CTH: variants seen among roughly 807,000 people sequenced by gnomAD.
CTH encodes the protein cystathionase (cystathionine gamma-lyase).
CTH carries 41 observed loss-of-function variants against 50.6 expected under a neutral mutation model. That is an observed-to-expected ratio of 0.81 (90% CI 0.63 to 1.05). The LOEUF is 1.05. Ranked by LOEUF, CTH falls within the 50% of genes least tolerant of loss-of-function variation. CTH has a pLI of 0.00. For synonymous variants in CTH, 156 were observed against 168.9 expected (o/e 0.92, Z 0.59); for missense variants, 470 against 492.6 (o/e 0.95, Z 0.43).
intron 4 of CTH, among the ~76,000 whole-genome samples, chr1:70,423,993 A>G (rs1344801677): frequency 6.6e-6 from 1 of 152,230 alleles, no homozygotes; most frequent in Non-Finnish European, 1.5e-5. Flanking sequence ...GAAAAGTACA[A>G]TAATTAACTT....
chr1:70,411,658 T>A, intron 1 of CTH, 75 bp downstream of exon 1: 1 of 1,556,202 alleles, frequency 6.4e-7, no homozygotes, highest in Non-Finnish European at 8.7e-7. Context: ...GAAAGGCATG[T>A]AAGTAATTTA....
intron 1 of CTH, among the ~76,000 whole-genome samples, chr1:70,413,360 T>G (rs1684015193): frequency 6.6e-6 from 1 of 151,284 alleles, no homozygotes; most frequent in Non-Finnish European, 1.5e-5. Context: ...GCCTCCCGGG[T>G]TCAAGCGATT....
Position 70,439,181 on chromosome 1 carries a change from G to GTAAT in CTH, c.*58_*61dup. ...TCCTGTGAAGATCAAATCTTCCTGAGTAATTAAATGGACCAACAATGAGCC... is the reference window on the plus strand; with the variant it reads ...TCCTGTGAAGATCAAATCTTCCTGAGTAATTAATTAAATGGACCAACAATGAGCC... On this transcript the variant is annotated 3_prime_UTR_variant, in exon 12 of 12. Transcript: ENST00000370938. 6.5e-7 allele frequency: 1 copy of GTAAT among 1,538,544 alleles called. No individual in the cohort carries two copies. Among genetic ancestry groups the GTAAT allele is most frequent in the Non-Finnish European group, 9.0e-7 (1 of 1,110,940 alleles).
intron 5 of CTH, among the ~76,000 whole-genome samples, chr1:70,425,808 A>T (rs1684334598): frequency 6.6e-6 from 1 of 151,980 alleles, no homozygotes; most frequent in Non-Finnish European, 1.5e-5. Flanking sequence ...AGGGGAGATG[A>T]CTCTAAACCA....
At chr1:70,420,417 C>A (rs1353894435) in intron 3 of CTH, among the ~76,000 whole-genome samples, 1 of 152,050 alleles carries the variant, frequency 6.6e-6, no homozygotes, top group Non-Finnish European at 1.5e-5. Flanking sequence ...AATCTAGATC[C>A]CTCGAAAGTT....
At chr1:70,412,159 T>C (rs1683980044) in intron 1 of CTH, among the ~76,000 whole-genome samples, 1 of 152,234 alleles carries the variant, frequency 6.6e-6, no homozygotes, top group Non-Finnish European at 1.5e-5. Flanking sequence ...AGCCTTAGAC[T>C]AGTAAGTATT....
chr1:70,429,493 C>A (rs1473713542), intron 5 of CTH, among the ~76,000 whole-genome samples: 1 of 152,112 alleles, frequency 6.6e-6, no homozygotes, highest in African/African-American at 2.4e-5. Context: ...ATTTAGAGTC[C>A]TGTCAGCAAT....
At chr1:70,424,714 G>A (rs912200195) in intron 5 of CTH, among the ~76,000 whole-genome samples, 22 of 152,242 alleles carry the variant, frequency 1.4e-4, no homozygotes, top group Middle Eastern at 3.4e-3. Flanking sequence ...AGGCCGAGGC[G>A]GGCGGATCAG....
intron 10 of CTH, 27 bp from the exon 11 acceptor site, chr1:70,438,661 C>G: frequency 6.2e-7 from 1 of 1,613,574 alleles, no homozygotes; most frequent in Non-Finnish European, 8.5e-7. Context: ...ATATAGTGAT[C>G]AAAAATTTGC....
In CTH at chr1:70,433,934, C is replaced by A; in HGVS notation, c.984C>A (p.Phe328Leu). 6.2e-7 allele frequency: 1 copy of A among 1,613,958 alleles called. No individual in the cohort carries two copies. Among genetic ancestry groups the A allele is most frequent in the Non-Finnish European group, 8.5e-7 (1 of 1,179,922 alleles). ...GCACTCTTCAGCATGCTGAGATTTT[C>A]CTCAAGAACCTAAAGGTAAACTTAC... ...IKGTLQHAEI[F>L]LKNLKLFTLA... Residue 328 changes from phenylalanine (F) to leucine (L), a missense_variant, in exon 9 of 12, where the codon TTC (phenylalanine) becomes TTA (leucine). By Grantham distance (22) the Phe-to-Leu change is conservative (BLOSUM62 0). Coordinates refer to ENST00000370938, the MANE Select transcript of CTH (RefSeq NM_001902.6).
At chr1:70,421,728 C>A (rs1684226887) in intron 4 of CTH, 53 bp downstream of exon 4, 4 of 1,555,432 alleles carry the variant, frequency 2.6e-6, no homozygotes, top group South Asian at 1.1e-5. Flanking sequence ...GTTTTGTTTT[C>A]ATCATTTCTG....
chr1:70,437,964 C>A (rs1002509226), intron 10 of CTH, among the ~76,000 whole-genome samples: 1 of 152,144 alleles, frequency 6.6e-6, no homozygotes, highest in Admixed American at 6.5e-5. Context: ...TTTATATAGA[C>A]TATTTTGTTT....
At position 70,411,368 on chromosome 1, in the gene CTH, G is replaced by A. The variant is rs760834031; in HGVS notation, c.-48G>A. 2.1e-5 allele frequency: 34 copies of A among 1,608,996 alleles called. No individual in the cohort carries two copies. Among genetic ancestry groups the A allele is most frequent in the Non-Finnish European group, 2.8e-5 (33 of 1,175,530 alleles). On this transcript the variant is annotated 5_prime_UTR_variant, in exon 1 of 12. Transcript: ENST00000370938. ...AACCCCGGACACCCGGCTTCGACTG[G>A]TTATATCTTCGGTGTTCTTTTCCTC...
Position 70,415,946 on chromosome 1 carries a change from T to G in CTH, c.169-10T>G. 1 of 1,572,998 alleles carries G rather than the reference T, an allele frequency of 6.4e-7. No individual in the cohort carries two copies. The highest frequency in any genetic ancestry group is 1.1e-5 in the South Asian group (1 of 90,218). ...ATCTCTTAGGATGAACTCGAACTTG[T>G]TTTTTTCAGGGTTTTGAATATAGCC... On this transcript the variant is annotated splice_polypyrimidine_tract_variant and intron_variant, in intron 1 of 11. Coordinates refer to ENST00000370938, the MANE Select transcript of CTH (RefSeq NM_001902.6).
At chr1:70,418,981 C>G (rs545951513) in intron 3 of CTH, among the ~76,000 whole-genome samples, 3 of 118,146 alleles carry the variant, frequency 2.5e-5, no homozygotes, top group African/African-American at 6.4e-5. Context: ...CCCCTCCCCC[C>G]ACCCCACAAC....
At chr1:70,429,023 T>C (rs929140875) in intron 5 of CTH, among the ~76,000 whole-genome samples, 21 of 152,294 alleles carry the variant, frequency 1.4e-4, no homozygotes, top group South Asian at 6.2e-4. Context: ...TGATCTCAAG[T>C]GATCCTTCTG....
intron 1 of CTH, among the ~76,000 whole-genome samples, chr1:70,414,994 G>C (rs1684059550): frequency 6.6e-6 from 1 of 152,044 alleles, no homozygotes; most frequent in Admixed American, 6.6e-5. Context: ...ATTGTGTGGA[G>C]CTGTTTTGCC....
At chr1:70,439,039 A>C in intron 11 of CTH, 62 bp from the exon 12 acceptor site, 1 of 1,553,016 alleles carries the variant, frequency 6.4e-7, no homozygotes, top group Non-Finnish European at 8.9e-7. Context: ...GGACTTCTTG[A>C]GGAGTTGAAG....
Position 70,411,522 on chromosome 1 carries a change from C to T in CTH, c.107C>T (p.Ala36Val). 1 of 1,614,212 alleles carries T rather than the reference C, an allele frequency of 6.2e-7. No homozygotes were observed. The highest frequency in any genetic ancestry group is 8.5e-7 in the Non-Finnish European group (1 of 1,180,054). ...GATCCAGAGCAATGGACCTCCAGGG[C>T]TGTAGTGCCCCCCATCTCACTGTCC... ...GQDPEQWTSR[A>V]VVPPISLSTT... The change falls in exon 1 of 12, where the codon GCT (alanine) becomes GTT (valine). Residue 36 changes from alanine (A) to valine (V), a missense_variant. Coordinates refer to ENST00000370938, the MANE Select transcript of CTH (RefSeq NM_001902.6).
Sources: gnomAD v4.1 joint callset for allele counts (sites outside exome capture counted in the v4.1 genomes callset) on GRCh38, gnomAD v4.1.1 for gene constraint, MANE v1.5 for transcripts, NCBI Gene and HGNC (gene_info 2026-07-23, HGNC 2026-07-21) for gene names.